DLG2: variants seen among roughly 807,000 people sequenced by gnomAD.
The protein encoded by DLG2 is discs large MAGUK scaffold protein 2.
Under a neutral mutation model 132.5 loss-of-function variants are expected in DLG2, and 45 were observed. The ratio of observed to expected loss-of-function variants is 0.34; its 90% CI spans 0.27 to 0.44. The LOEUF (loss-of-function observed/expected upper bound fraction) is 0.44. DLG2 is among the 20% of genes least tolerant of loss of function. The probability of loss-of-function intolerance (pLI) is 1.00; values close to 1 mark genes in which losing one functional copy is unlikely to be tolerated. For synonymous variants in DLG2, 424 were observed against 419.6 expected (o/e 1.01, Z -0.13); for missense variants, 1,045 against 1,196.9 (o/e 0.87, Z 1.87).
intron 8 of DLG2, among the ~76,000 whole-genome samples, chr11:84,178,820 T>C (rs1191603557): frequency 6.6e-6 from 1 of 151,924 alleles, no homozygotes; most frequent in Non-Finnish European, 1.5e-5. Flanking sequence ...AGATCTAGCA[T>C]GTGACTAAAT....
chr11:84,755,958 T>C (rs994076408), intron 6 of DLG2, among the ~76,000 whole-genome samples: 5 of 152,312 alleles, frequency 3.3e-5, no homozygotes, highest in African/African-American at 1.2e-4. Flanking sequence ...TAAAAATGAT[T>C]CTAATAGAAT....
At chr11:84,905,082 C>T (rs6592212) in intron 6 of DLG2, among the ~76,000 whole-genome samples, 63,903 of 151,820 alleles carry the variant, frequency 0.42, 13,750 homozygotes, top group South Asian at 0.51. Flanking sequence ...CACAGGATTT[C>T]ACCATGTTGG....
At chr11:85,407,120 CA>C (rs1232710672) in intron 3 of DLG2, among the ~76,000 whole-genome samples, 5 of 151,728 alleles carry the variant, frequency 3.3e-5, no homozygotes, top group Non-Finnish European at 5.9e-5. Flanking sequence ...AACGAAAAAT[CA>C]TAAGAATGAA....
intron 6 of DLG2, among the ~76,000 whole-genome samples, chr11:84,637,127 G>A (rs979171330): frequency 6.6e-6 from 1 of 152,138 alleles, no homozygotes; most frequent in Non-Finnish European, 1.5e-5. Flanking sequence ...AGACCATTAT[G>A]TGAAGTGTGG....
At chr11:85,278,187 A>G (rs1370959719) in intron 4 of DLG2, among the ~76,000 whole-genome samples, 3 of 152,136 alleles carry the variant, frequency 2.0e-5, no homozygotes, top group African/African-American at 7.2e-5. Flanking sequence ...CTATAGCACA[A>G]TTTACTGTGT....
chr11:83,680,290 C>T (rs143189705), intron 18 of DLG2, among the ~76,000 whole-genome samples: 5 of 152,154 alleles, frequency 3.3e-5, no homozygotes, highest in East Asian at 1.9e-4. Context: ...TGGAGTGTGG[C>T]GTGTAATTTT....
intron 11 of DLG2, among the ~76,000 whole-genome samples, 174 bp downstream of exon 11, chr11:84,059,141 C>T (rs1274334163): frequency 6.6e-6 from 1 of 152,002 alleles, no homozygotes; most frequent in Non-Finnish European, 1.5e-5. Flanking sequence ...TATCTGAGTT[C>T]ATATTTAGAG....
Position 83,808,937 on chromosome 11 carries a change from T to TCTTC in DLG2, c.1723-22149_1723-22146dup, listed in dbSNP as rs773181949. On this transcript the variant is annotated intron_variant, in intron 17 of 27. Transcript: ENST00000376104. The stretch of plus-strand genomic sequence containing the variant: ...CATCTGTGACTAGATTCCCTTCACT[T>TCTTC]CTTCCTTCCTTACCTTTCCTCTGCG... 5.9e-5 allele frequency among the ~76,000 whole-genome samples: 9 copies of TCTTC among 152,228 alleles called. No individual in the cohort carries two copies. The East Asian group carries it at 1.7e-3, about 29-fold the overall frequency.
At chr11:85,462,529 C>T (rs1164711777) in intron 3 of DLG2, among the ~76,000 whole-genome samples, 1 of 152,032 alleles carries the variant, frequency 6.6e-6, no homozygotes, top group African/African-American at 2.4e-5. Context: ...GAAACCATCA[C>T]TCTCAGCAAA....
chr11:83,707,719 C>T (rs2084375453), intron 18 of DLG2, among the ~76,000 whole-genome samples: 2 of 152,150 alleles, frequency 1.3e-5, no homozygotes, highest in Admixed American at 1.3e-4. Context: ...CAAACAAGTG[C>T]ACAATGCTTT....
At chr11:83,667,172 G>T (rs1257164708) in intron 18 of DLG2, among the ~76,000 whole-genome samples, 2 of 152,104 alleles carry the variant, frequency 1.3e-5, no homozygotes, top group Non-Finnish European at 2.9e-5. Flanking sequence ...ATATGCTTTT[G>T]TCTTCTGTCT....
At chr11:84,623,809 G>A (rs1369474292) in intron 6 of DLG2, among the ~76,000 whole-genome samples, 3 of 151,994 alleles carry the variant, frequency 2.0e-5, no homozygotes, top group Non-Finnish European at 4.4e-5. Context: ...GTATACATAC[G>A]TCCTTCCCAC....
chr11:85,417,268 C>A (rs548377005), intron 3 of DLG2, among the ~76,000 whole-genome samples: 3 of 152,262 alleles, frequency 2.0e-5, no homozygotes, highest in South Asian at 2.1e-4. Flanking sequence ...GTATATTGAA[C>A]AAGCCTTGCA....
At chr11:85,320,495 T>C (rs2080986487) in intron 3 of DLG2, among the ~76,000 whole-genome samples, 1 of 151,828 alleles carries the variant, frequency 6.6e-6, no homozygotes, top group South Asian at 2.1e-4. Context: ...AAAGAGATGG[T>C]ATTCCTAGTC....
chr11:84,790,861 G>T (rs2073736659), intron 6 of DLG2, among the ~76,000 whole-genome samples: 1 of 152,196 alleles, frequency 6.6e-6, no homozygotes, highest in Admixed American at 6.5e-5. Context: ...CCCAGTGTAT[G>T]TTCTTGGCAC....
intron 18 of DLG2, chr11:83,721,056 T>G (rs1368746629): frequency 6.6e-6 from 1 of 152,132 alleles, no homozygotes; most frequent in Non-Finnish European, 1.5e-5. Context: ...ATGTGAAACA[T>G]GAGGCTCAGA....
chr11:85,083,508 A>C (rs893526515), intron 6 of DLG2, among the ~76,000 whole-genome samples: 1 of 152,196 alleles, frequency 6.6e-6, no homozygotes, highest in African/African-American at 2.4e-5. Context: ...CATGTGCCCA[A>C]GGTGGTCAGG....
chr11:83,577,179 C>T (rs2096886305), intron 19 of DLG2, among the ~76,000 whole-genome samples: 1 of 151,958 alleles, frequency 6.6e-6, no homozygotes, highest in Non-Finnish European at 1.5e-5. Context: ...ATGCTTCCTG[C>T]CCTCGAACAT....
At chr11:85,467,051 T>C (rs1168480148) in intron 3 of DLG2, among the ~76,000 whole-genome samples, 2 of 152,190 alleles carry the variant, frequency 1.3e-5, no homozygotes, top group Non-Finnish European at 2.9e-5. Flanking sequence ...GATTCCTAGG[T>C]ATTTTATTCT....
Sources: allele counts gnomAD v4.1 joint callset (sites outside exome capture counted in the v4.1 genomes callset), GRCh38; gene constraint gnomAD v4.1.1; transcripts MANE v1.5; gene names NCBI Gene and HGNC (gene_info 2026-07-23, HGNC 2026-07-21).